Variants in SLC44A1 observed in about 807,000 individuals in gnomAD.
The protein encoded by SLC44A1 is choline transporter-like protein 1.
In SLC44A1, 26 loss-of-function variants were observed where a neutral mutation model predicts 79.3. The observed-to-expected ratio is 0.33, with a 90% confidence interval of 0.24 to 0.46. The LOEUF is 0.46. Among genes scored for constraint, SLC44A1 ranks in the 20% least tolerant of loss-of-function variants. The probability of loss-of-function intolerance (pLI) is 1.00; values close to 1 mark genes in which losing one functional copy is unlikely to be tolerated. For synonymous variants in SLC44A1, 263 were observed against 286.2 expected, an observed-to-expected ratio of 0.92 and a Z score of 0.82; for missense variants, 688 against 798.1, an observed-to-expected ratio of 0.86 and a Z score of 1.66.
rs1828813125 is a variant in SLC44A1 at position 105,393,545 on chromosome 9, T to TATCTTTCTTATAGAAAAC, written c.*4490_*4507dup. On this transcript the variant is annotated 3_prime_UTR_variant, in exon 16 of 16. Coordinates refer to ENST00000374720, the MANE Select transcript of SLC44A1 (RefSeq NM_080546.5). ...AATCCAAGATTTAAATCTTTGAAAA[T>TATCTTTCTTATAGAAAAC]ATCTTTCTTATAGAAAACTTTAATG... 5 of 921,592 alleles carry TATCTTTCTTATAGAAAAC rather than the reference T, an allele frequency of 5.4e-6. No homozygotes were observed. In the Admixed American group the frequency reaches 3.1e-4, roughly 57 times the overall value. 57.1% of individuals were successfully genotyped at this position (921,592 alleles called of 1,614,324 possible). A position where few individuals can be genotyped will look rare whatever the true frequency, so the allele number is the denominator to read the frequency against.
At chr9:105,261,119 T>A (rs1246180790) in intron 1 of SLC44A1, among the ~76,000 whole-genome samples, 1 of 152,198 alleles carries the variant, frequency 6.6e-6, no homozygotes, top group Non-Finnish European at 1.5e-5. Context: ...GGTGGGCTTT[T>A]GAATTCTACC....
At chr9:105,299,336 A>G (rs966449094) in intron 2 of SLC44A1, 27 bp downstream of exon 2, 1 of 1,470,426 alleles carries the variant, frequency 6.8e-7, no homozygotes. Context: ...AGATGGTCCA[A>G]ACTGGACTCA....
rs554792398 is a variant in SLC44A1 at position 105,392,577 on chromosome 9, C to T, written c.*3521C>T. On this transcript the variant is annotated 3_prime_UTR_variant, in exon 16 of 16. Transcript: ENST00000374720. ...GGCACTGACCCCTTTATTCTGGACC[C>T]AAACTGCTTTAGAGCAGAGTTAATA... The T allele has an allele frequency of 4.1e-6, 4 of 985,306 alleles. No individual in the cohort carries two copies. Among genetic ancestry groups the T allele is most frequent in the Admixed American group, 1.2e-4 (2 of 16,266 alleles). The allele number at this position is 985,306 out of a possible 1,614,324, so 61.0% of individuals were successfully genotyped here.
Position 105,389,747 on chromosome 9 carries a change from G to T in SLC44A1, c.*691G>T. 7.7e-7 allele frequency: 1 copy of T among 1,299,606 alleles called. No individual in the cohort carries two copies. The highest frequency in any genetic ancestry group is 9.8e-7 in the Non-Finnish European group (1 of 1,019,192). 80.5% of individuals were successfully genotyped at this position (1,299,606 alleles called of 1,614,324 possible). A position where few individuals can be genotyped will look rare whatever the true frequency, so the allele number is the denominator to read the frequency against. On this transcript the variant is annotated 3_prime_UTR_variant, in exon 16 of 16. Coordinates refer to ENST00000374720, the MANE Select transcript of SLC44A1 (RefSeq NM_080546.5). ...AGAAAGTAGGTAAAAAAAGAAAAGG[G>T]TAGATAATCTTTCGTATGCAAACTT...
At chr9:105,252,585 G>A (rs1829614898) in intron 1 of SLC44A1, among the ~76,000 whole-genome samples, 1 of 152,160 alleles carries the variant, frequency 6.6e-6, no homozygotes, top group Non-Finnish European at 1.5e-5. Flanking sequence ...GGGTCAAGGT[G>A]GACAGGAAAG....
At chr9:105,351,674 G>GAAAGAAAGAAAGAA (rs1359633907) in intron 5 of SLC44A1, among the ~76,000 whole-genome samples, 3 of 148,550 alleles carry the variant, frequency 2.0e-5, no homozygotes, top group Non-Finnish European at 3.0e-5. Context: ...AAGAAAGAAA[G>GAAAGAAAGAAAGAA]AACCAAGAAA....
At chr9:105,388,894 A>G in intron 15 of SLC44A1, 139 bp from the exon 16 acceptor site, 1 of 682,512 alleles carries the variant, frequency 1.5e-6, no homozygotes, top group East Asian at 2.5e-5. Context: ...TTTCAGCTCC[A>G]GGAATTCAGG....
intron 14 of SLC44A1, 100 bp from the exon 15 acceptor site, chr9:105,385,322 T>G (rs1588857468): frequency 2.5e-6 from 2 of 814,994 alleles, no homozygotes; most frequent in East Asian, 5.3e-5. Context: ...GCCATCCATT[T>G]ACCAAGATTG....
At chr9:105,343,365 T>G (rs556338572) in intron 4 of SLC44A1, among the ~76,000 whole-genome samples, 213 of 152,344 alleles carry the variant, frequency 1.4e-3, no homozygotes, top group African/African-American at 4.9e-3. Context: ...TTAAAAACTT[T>G]AACAGATTAT....
At chr9:105,429,898 GTA>G (rs1213964993) in intron 15 of SLC44A1, among the ~76,000 whole-genome samples, 3 of 147,488 alleles carry the variant, frequency 2.0e-5, no homozygotes, top group South Asian at 4.2e-4. Context: ...AAAATTACAA[GTA>G]TATATATATA....
rs36029577 is a variant in SLC44A1 at position 105,414,050 on chromosome 9, GT to G, written c.1951-24217del. Among the ~76,000 whole-genome samples the G allele has an allele frequency of 4.9e-3, 688 of 140,258 alleles. 3 individuals are homozygous for G. Among genetic ancestry groups the G allele is most frequent in the African/African-American group, 8.7e-3 (335 of 38,502 alleles). 92.0% of individuals were successfully genotyped at this position (140,258 alleles called of 152,430 possible). The stretch of plus-strand genomic sequence containing the variant: ...GCTTTCGCTGGACAGTTAGTGTTTG[GT>G]TTTTTTTTTTTTTGTATTTTTGTTT... On this transcript the variant is annotated intron_variant, in intron 15 of 15. Transcript: ENST00000374724.
chr9:105,394,284 T>C lies in SLC44A1; in HGVS notation c.*5228T>C. The stretch of plus-strand genomic sequence containing the variant: ...ACCTTCTGACCTGGAATCATTTTTA[T>C]AACTTAAAGACTTTATGTAATTTAG... On this transcript the variant is annotated 3_prime_UTR_variant, in exon 16 of 16. Transcript: ENST00000374720. The C allele has an allele frequency of 3.0e-6, 3 of 985,438 alleles. No individual in the cohort carries two copies. Among genetic ancestry groups the C allele is most frequent in the Non-Finnish European group, 3.6e-6 (3 of 829,924 alleles). The allele number at this position is 985,438 out of a possible 1,614,324, so 61.0% of individuals were successfully genotyped here.
intron 15 of SLC44A1, among the ~76,000 whole-genome samples, chr9:105,419,645 T>C (rs1427660143): frequency 6.6e-6 from 1 of 152,164 alleles, no homozygotes; most frequent in Non-Finnish European, 1.5e-5. Flanking sequence ...CTGGGCGCGG[T>C]GGCCCACGCC....
chr9:105,279,801 CT>C (rs1830308523), intron 1 of SLC44A1, among the ~76,000 whole-genome samples: 1 of 151,938 alleles, frequency 6.6e-6, no homozygotes, highest in African/African-American at 2.4e-5. Flanking sequence ...GTATAATGAT[CT>C]GAGAGGAGAT....
intron 1 of SLC44A1, among the ~76,000 whole-genome samples, chr9:105,289,115 C>T (rs1468610093): frequency 2.0e-5 from 3 of 152,126 alleles, no homozygotes; most frequent in East Asian, 1.9e-4. Context: ...GTAGGGGAAG[C>T]GGTAAGGCCG....
chr9:105,391,002 T>C lies in SLC44A1; in HGVS notation c.*1946T>C. The C allele has an allele frequency of 4.1e-6, 4 of 985,384 alleles. No individual in the cohort carries two copies. Among genetic ancestry groups the C allele is most frequent in the Non-Finnish European group, 3.6e-6 (3 of 829,550 alleles). 61.0% of individuals were successfully genotyped at this position (985,384 alleles called of 1,614,324 possible). ...TGAGAGAGCAAATCATGTGAGAAAA[T>C]TCAGAATACCATCTGTTTCATAGCC... On this transcript the variant is annotated 3_prime_UTR_variant, in exon 16 of 16. Transcript: ENST00000374720.
intron 7 of SLC44A1, 98 bp from the exon 8 acceptor site, chr9:105,361,093 C>T (rs1448815833): frequency 8.5e-7 from 1 of 1,177,614 alleles, no homozygotes. Context: ...GCATTAGTCC[C>T]ATGATGATCT....
At chr9:105,301,205 T>G (rs1361405791) in intron 2 of SLC44A1, among the ~76,000 whole-genome samples, 2 of 152,212 alleles carry the variant, frequency 1.3e-5, no homozygotes, top group Admixed American at 1.3e-4. Context: ...GTGCTTTGGA[T>G]TTTCTGTGCT....
At chr9:105,311,349 A>G (rs1354378032) in intron 3 of SLC44A1, among the ~76,000 whole-genome samples, 1 of 152,128 alleles carries the variant, frequency 6.6e-6, no homozygotes, top group Non-Finnish European at 1.5e-5. Flanking sequence ...TACAATTTAG[A>G]TAATTGAGGA....
Sources: gnomAD v4.1 joint callset for allele counts (sites outside exome capture counted in the v4.1 genomes callset) on GRCh38, gnomAD v4.1.1 for gene constraint, MANE v1.5 for transcripts, NCBI Gene and HGNC (gene_info 2026-07-23, HGNC 2026-07-21) for gene names.